The following TPO variants were observed in gnomAD, a reference collection of about 807,000 sequenced individuals.
TPO encodes thyroid peroxidase.
TPO carries 78 observed loss-of-function variants against 96.9 expected under a neutral mutation model. The ratio of observed to expected loss-of-function variants is 0.81; its 90% CI spans 0.67 to 0.97. TPO has a LOEUF of 0.97. Ranked by LOEUF, TPO falls within the 50% of genes least tolerant of loss-of-function variation. The probability of loss-of-function intolerance (pLI) is 0.00; values close to 1 mark genes in which losing one functional copy is unlikely to be tolerated. For synonymous variants in TPO, 547 were observed against 538.0 expected, an observed-to-expected ratio of 1.02 and a Z score of -0.23; for missense variants, 1,252 against 1,274.8, an observed-to-expected ratio of 0.98 and a Z score of 0.27.
intron 14 of TPO, chr2:1,512,520 C>T: frequency 2.1e-6 from 2 of 974,964 alleles, no homozygotes; most frequent in Non-Finnish European, 2.4e-6. Context: ...TTGCATGGTG[C>T]TGTCCCTGCC....
intron 5 of TPO, chr2:1,439,122 C>T (rs1410730769): frequency 5.3e-5 from 21 of 396,330 alleles, no homozygotes; most frequent in Non-Finnish European, 6.4e-5. Flanking sequence ...CAGTGAGTTC[C>T]TGCTCGGCCC....
chr2:1,528,933 A>G (rs942046946), intron 15 of TPO, among the ~76,000 whole-genome samples: 8 of 54,916 alleles, frequency 1.5e-4, no homozygotes, highest in African/African-American at 6.2e-4. Context: ...TGCAACCCCC[A>G]CAAATCCTCC....
At chr2:1,491,847 G>T (rs1671795948) in intron 10 of TPO, among the ~76,000 whole-genome samples, 1 of 152,236 alleles carries the variant, frequency 6.6e-6, no homozygotes, top group South Asian at 2.1e-4. Context: ...CGGTGGCTTT[G>T]ATGAGAGGGC....
rs1270082809 is a variant in TPO, at chr2:1,484,659, G to C, written c.1402G>C (p.Gly468Arg). The C allele has an allele frequency of 3.1e-6, 5 of 1,614,008 alleles. No homozygotes were observed. In the African/African-American group the frequency reaches 5.3e-5, roughly 17 times the overall value. The change falls in exon 9 of 17, where the codon GGT becomes CGT. Residue 468 changes from glycine to arginine, a missense_variant. By Grantham distance (125) the Gly-to-Arg change is moderately radical. Coordinates refer to ENST00000329066, the MANE Select transcript of TPO (RefSeq NM_001206744.2). ...ACCCGAGGCCTTCCAGCAGTACGTG[G>C]GTCCCTATGAAGGCTATGACTCCAC... ...LGPEAFQQYVGPYEGYDSTAN... is the reference protein window; with the variant it reads ...LGPEAFQQYVRPYEGYDSTAN...
intron 8 of TPO, among the ~76,000 whole-genome samples, chr2:1,480,772 T>TG (rs1670513371): frequency 1.3e-5 from 2 of 151,930 alleles, no homozygotes; most frequent in African/African-American, 4.8e-5. Context: ...ACCTCCCTCC[T>TG]CCTGCATCCG....
rs1324890691 is a variant in TPO, at chr2:1,457,399, A to G, written c.819+1117A>G. ...TATGATACTGTGGGTACACATATATATAGCATGTATGATCGCGTGTGGGCA... is the reference window on the plus strand; with the variant it reads ...TATGATACTGTGGGTACACATATATGTAGCATGTATGATCGCGTGTGGGCA... On this transcript the variant is annotated intron_variant, in intron 7 of 16. Coordinates refer to ENST00000329066, the MANE Select transcript of TPO (RefSeq NM_001206744.2). Among the ~76,000 whole-genome samples, 49 of 66,858 alleles carry G rather than the reference A, an allele frequency of 7.3e-4. 13 individuals are homozygous for G. The highest frequency in any genetic ancestry group is 1.5e-3 in the Non-Finnish European group (41 of 27,596). The allele number at this position is 66,858 out of a possible 152,430, so 43.9% of individuals were successfully genotyped here.
intron 9 of TPO, among the ~76,000 whole-genome samples, chr2:1,485,071 C>T (rs554124394): frequency 6.6e-5 from 10 of 151,518 alleles, no homozygotes; most frequent in East Asian, 5.8e-4. Context: ...CCCCACCCCA[C>T]GACAGACGGG....
intron 2 of TPO, among the ~76,000 whole-genome samples, chr2:1,421,963 G>A (rs1418031365): frequency 1.3e-5 from 2 of 152,186 alleles, no homozygotes; most frequent in African/African-American, 4.8e-5. Context: ...TCCCCGGCGA[G>A]CTGTGAGCCC....
chr2:1,415,441 TCTGCACACAGTCCCGGGGCCC>T (rs1171724672), intron 2 of TPO, among the ~76,000 whole-genome samples: 1 of 138,158 alleles, frequency 7.2e-6, no homozygotes, highest in Non-Finnish European at 1.6e-5. Flanking sequence ...TCCCTGGGCC[TCTGCACACAGTCCCGGGGCCC>T]CTGGAGCAGG....
intron 1 of TPO, among the ~76,000 whole-genome samples, chr2:1,397,587 G>A (rs772438437): frequency 1.2e-4 from 18 of 152,190 alleles, no homozygotes; most frequent in Non-Finnish European, 2.4e-4. Context: ...TCCTGAGTCT[G>A]AGGAAAAGCA....
In TPO at chr2:1,529,078, CCCCCAACTGTGTTTAACCTCT is replaced by C. The variant is rs1249562850; in HGVS notation, c.2619-11513_2619-11493del. 5.5e-4 allele frequency among the ~76,000 whole-genome samples: 74 copies of C among 134,290 alleles called. 1 individual carries two copies. The highest frequency in any genetic ancestry group is 2.0e-3 in the African/African-American group (67 of 33,710). The allele number at this position is 134,290 out of a possible 152,430, so 88.1% of individuals were successfully genotyped here. On this transcript the variant is annotated intron_variant, in intron 15 of 16. Coordinates refer to ENST00000329066, the MANE Select transcript of TPO (RefSeq NM_001206744.2). Reference sequence around the variant, plus strand: ...CCAGTGTGTGCAACTTCCCTAAATCCCCCCAACTGTGTTTAACCTCTCCAAATCCCCCCACTGTGTGCAACC... The same window carrying C: ...CCAGTGTGTGCAACTTCCCTAAATCCCCAAATCCCCCCACTGTGTGCAACC...
intron 14 of TPO, among the ~76,000 whole-genome samples, chr2:1,514,612 G>A (rs547632347): frequency 1.2e-4 from 18 of 152,270 alleles, no homozygotes; most frequent in Admixed American, 2.6e-4. Flanking sequence ...TGAAGAGGTC[G>A]GAAAGCCACT....
At chr2:1,536,580 C>T (rs1466885411) in intron 15 of TPO, among the ~76,000 whole-genome samples, 1 of 73,230 alleles carries the variant, frequency 1.4e-5, no homozygotes, top group Admixed American at 1.5e-4. Context: ...GCAACGTCCC[C>T]AAATCGCCCC....
chr2:1,384,438 G>A (rs1573052615), intron 1 of TPO, among the ~76,000 whole-genome samples: 1 of 152,158 alleles, frequency 6.6e-6, no homozygotes. Flanking sequence ...TCCCTTGTAA[G>A]TTGGATTCCT....
At chr2:1,514,233 C>A (rs1259906353) in intron 14 of TPO, among the ~76,000 whole-genome samples, 1 of 152,120 alleles carries the variant, frequency 6.6e-6, no homozygotes, top group Admixed American at 6.5e-5. Flanking sequence ...CTACTGGGGC[C>A]CTGGAAGGAT....
chr2:1,451,125 A>G (rs1667266815), intron 5 of TPO, among the ~76,000 whole-genome samples: 1 of 152,184 alleles, frequency 6.6e-6, no homozygotes, highest in Non-Finnish European at 1.5e-5. Flanking sequence ...GGTGCACAAC[A>G]GTAAGAATAA....
Position 1,442,016 on chromosome 2 carries a change from C to T in TPO, c.482+5632C>T, listed in dbSNP as rs143463033. Among the ~76,000 whole-genome samples, 71 of 152,244 alleles carry T rather than the reference C, an allele frequency of 4.7e-4. 1 individual carries two copies. The highest frequency in any genetic ancestry group is 1.4e-3 in the African/African-American group (60 of 41,552). On this transcript the variant is annotated intron_variant, in intron 5 of 16. Coordinates refer to ENST00000329066, the MANE Select transcript of TPO (RefSeq NM_001206744.2). ...TTCTCGTGATAGTGAATAAGTCTCA[C>T]GAGATTTGACAGCTTTATAAGGGGA...
At position 1,506,326 on chromosome 2, in the gene TPO, T is replaced by C. The variant is rs1468813668; in HGVS notation, c.2518+2247T>C. 2.7e-5 allele frequency among the ~76,000 whole-genome samples: 4 copies of C among 150,720 alleles called. No homozygotes were observed. The East Asian group carries it at 7.8e-4, about 29-fold the overall frequency. On this transcript the variant is annotated intron_variant, in intron 14 of 16. Transcript: ENST00000329066. Reference sequence around the variant, plus strand: ...GGTTCCAAGTCTTTGCTATTGTGAATAGTGCTGCAATAAACATATGTGTGC... The same window carrying C: ...GGTTCCAAGTCTTTGCTATTGTGAACAGTGCTGCAATAAACATATGTGTGC...
At chr2:1,485,149 G>A (rs960917369) in intron 9 of TPO, among the ~76,000 whole-genome samples, 2 of 150,972 alleles carry the variant, frequency 1.3e-5, no homozygotes, top group African/African-American at 4.9e-5. Flanking sequence ...GTGAGAACAT[G>A]CGGTGTTTGG....
Sources: gnomAD v4.1 joint callset for allele counts (sites outside exome capture counted in the v4.1 genomes callset) on GRCh38, gnomAD v4.1.1 for gene constraint, MANE v1.5 for transcripts, NCBI Gene and HGNC (gene_info 2026-07-23, HGNC 2026-07-21) for gene names.